PKIB: variants seen among roughly 807,000 people sequenced by gnomAD.
PKIB encodes cAMP-dependent protein kinase inhibitor beta.
In PKIB, 2 loss-of-function variants were observed where a neutral mutation model predicts 4.5. The observed-to-expected ratio is 0.44, with a 90% CI of 0.18 to 1.39. The LOEUF is 1.39. Ranked by LOEUF, PKIB falls within the 40% of genes most tolerant of loss-of-function variation. The pLI is 0.27. For missense variants in PKIB, 94 were observed against 92.6 expected, an observed-to-expected ratio of 1.02 and a Z score of -0.06; for synonymous variants, 38 against 36.0, an observed-to-expected ratio of 1.06 and a Z score of -0.20.
chr6:122,487,163 AAAAT>A (rs1203100395), intron 2 of PKIB, among the ~76,000 whole-genome samples: 6 of 152,334 alleles, frequency 3.9e-5, no homozygotes, highest in Admixed American at 1.3e-4. Flanking sequence ...TTATAACAAA[AAAAT>A]AAATAAATAG....
At chr6:122,591,043 A>G (rs1472676163) in intron 3 of PKIB, among the ~76,000 whole-genome samples, 6 of 152,108 alleles carry the variant, frequency 3.9e-5, no homozygotes. Context: ...CAGACAAACA[A>G]AAAAACAAAC....
rs61201088 is a variant in PKIB at position 122,670,498 on chromosome 6, T to TTTGTTGTTGTTGTTGTTGTTGTTG, written c.-75-4574_-75-4551dup. Among the ~76,000 whole-genome samples the TTTGTTGTTGTTGTTGTTGTTGTTG allele has an allele frequency of 9.9e-5, 15 of 151,230 alleles. No individual in the cohort carries two copies. In the South Asian group the frequency reaches 1.0e-3, roughly 11 times the overall value. ...TCTTTCTTATAAGGAATCACATGTTTTTGTTGTTGTTGTTGTTGTTGTTGT... is the reference window on the plus strand; with the variant it reads ...TCTTTCTTATAAGGAATCACATGTTTTTGTTGTTGTTGTTGTTGTTGTTGTTGTTGTTGTTGTTGTTGTTGTTGT... On this transcript the variant is annotated intron_variant, in intron 2 of 4. Coordinates refer to ENST00000368452, the MANE Select transcript of PKIB (RefSeq NM_181795.3).
At chr6:122,693,198 G>A (rs889976350) in intron 3 of PKIB, among the ~76,000 whole-genome samples, 6 of 151,944 alleles carry the variant, frequency 3.9e-5, no homozygotes, top group Non-Finnish European at 7.4e-5. Flanking sequence ...CAGAACACAA[G>A]GCTTCAAGGT....
At chr6:122,577,543 G>GA (rs1176470996) in intron 2 of PKIB, among the ~76,000 whole-genome samples, 1 of 151,960 alleles carries the variant, frequency 6.6e-6, no homozygotes, top group African/African-American at 2.4e-5. Flanking sequence ...CAATATCCAT[G>GA]AAAAAAAGAA....
Position 122,662,308 on chromosome 6 carries a change from C to CTTTTTTTTTTTTTTTTTTT in PKIB, c.-75-12759_-75-12741dup, listed in dbSNP as rs71021412. Reference sequence around the variant, plus strand: ...CTCTCCTTCTTTCTTTCCTTGTCTCCTTTTTTTTTTTTTTTTTTTTTTTTT... The same window carrying CTTTTTTTTTTTTTTTTTTT: ...CTCTCCTTCTTTCTTTCCTTGTCTCCTTTTTTTTTTTTTTTTTTTTTTTTTTTTTTTTTTTTTTTTTTTT... On this transcript the variant is annotated intron_variant, in intron 2 of 4. Coordinates refer to ENST00000368452, the MANE Select transcript of PKIB (RefSeq NM_181795.3). Among the ~76,000 whole-genome samples the CTTTTTTTTTTTTTTTTTTT allele has an allele frequency of 9.0e-4, 12 of 13,260 alleles. 1 individual carries two copies. The highest frequency in any genetic ancestry group is 1.4e-3 in the Non-Finnish European group (9 of 6,648). The allele number at this position is 13,260 out of a possible 152,430, so 8.7% of individuals were successfully genotyped here.
chr6:122,691,376 A>T (rs1778348661), intron 3 of PKIB, among the ~76,000 whole-genome samples: 1 of 151,700 alleles, frequency 6.6e-6, no homozygotes, highest in Non-Finnish European at 1.5e-5. Flanking sequence ...ATTCCTTTTT[A>T]TTCTTTTTGC....
chr6:122,520,665 A>ACCCCCCCCCC (rs10650320), intron 2 of PKIB, among the ~76,000 whole-genome samples: 2 of 107,984 alleles, frequency 1.9e-5, no homozygotes, highest in Non-Finnish European at 3.8e-5. Context: ...TTATGTTCCC[A>ACCCCCCCCCC]CCCCCCCCCC....
chr6:122,482,875 T>G (rs2114521048), intron 2 of PKIB: 1 of 152,306 alleles, frequency 6.6e-6, no homozygotes, highest in African/African-American at 2.4e-5. Context: ...AAAGTCCAAC[T>G]GCACGTGCAA....
At chr6:122,529,065 T>C (rs1251690106) in intron 2 of PKIB, among the ~76,000 whole-genome samples, 2 of 152,264 alleles carry the variant, frequency 1.3e-5, no homozygotes, top group Non-Finnish European at 1.5e-5. Context: ...TTTAAAGTAA[T>C]TACTGATGAT....
At position 122,487,950 on chromosome 6, in the gene PKIB, G is replaced by T. The variant is rs527471763; in HGVS notation, c.-248+10011G>T. On this transcript the variant is annotated intron_variant, in intron 2 of 6. Coordinates refer to the PKIB transcript ENST00000392491. Reference sequence around the variant, plus strand: ...ACTGATGATAACACATTTATCACTCGTTTAAAGTGATATCTTCCAGGTTTC... The same window carrying T: ...ACTGATGATAACACATTTATCACTCTTTTAAAGTGATATCTTCCAGGTTTC... 1.3e-5 allele frequency among the ~76,000 whole-genome samples: 2 copies of T among 152,062 alleles called. 1 individual carries two copies. The highest frequency in any genetic ancestry group is 2.9e-5 in the Non-Finnish European group (2 of 68,012).
chr6:122,503,012 T>A (rs1478175920), intron 2 of PKIB, among the ~76,000 whole-genome samples: 1 of 152,196 alleles, frequency 6.6e-6, no homozygotes, highest in Non-Finnish European at 1.5e-5. Flanking sequence ...TAGTGTCTGG[T>A]GATGGCCTAA....
intron 2 of PKIB, among the ~76,000 whole-genome samples, chr6:122,565,252 A>AGTT (rs1773150952): frequency 6.6e-6 from 1 of 152,038 alleles, no homozygotes; most frequent in East Asian, 1.9e-4. Context: ...AGAAAATACC[A>AGTT]CTCAAAGTTC....
At chr6:122,584,023 T>C (rs961464820) in intron 2 of PKIB, among the ~76,000 whole-genome samples, 2 of 152,148 alleles carry the variant, frequency 1.3e-5, no homozygotes, top group Non-Finnish European at 2.9e-5. Context: ...ATTTCTCTGG[T>C]ATTTTTCTGG....
chr6:122,541,943 T>C (rs550284779), intron 2 of PKIB, among the ~76,000 whole-genome samples: 53 of 152,196 alleles, frequency 3.5e-4, no homozygotes, highest in African/African-American at 1.3e-3. Flanking sequence ...TCGTCTTCTA[T>C]CACTGAGACC....
chr6:122,521,865 G>A (rs1776956926), intron 2 of PKIB, among the ~76,000 whole-genome samples: 1 of 152,120 alleles, frequency 6.6e-6, no homozygotes, highest in African/African-American at 2.4e-5. Context: ...GTTGTAAGAG[G>A]ATCAGCTTTG....
At chr6:122,553,511 A>T (rs1582694860) in intron 2 of PKIB, among the ~76,000 whole-genome samples, 2 of 37,992 alleles carry the variant, frequency 5.3e-5, no homozygotes, top group African/African-American at 2.0e-4. Flanking sequence ...TTTCTGAAAA[A>T]GGCTTCCCTG....
chr6:122,613,575 A>G (rs1774852644), intron 1 of PKIB, among the ~76,000 whole-genome samples: 1 of 152,172 alleles, frequency 6.6e-6, no homozygotes, highest in Non-Finnish European at 1.5e-5. Flanking sequence ...AAAAGTCATT[A>G]CCAGGTAGTG....
At chr6:122,688,212 T>C (rs1478334386) in intron 3 of PKIB, among the ~76,000 whole-genome samples, 1 of 152,206 alleles carries the variant, frequency 6.6e-6, no homozygotes, top group Non-Finnish European at 1.5e-5. Context: ...GAAATGATCA[T>C]ATGTTTTTTT....
chr6:122,504,671 T>C (rs369205558), intron 2 of PKIB, among the ~76,000 whole-genome samples: 1 of 152,250 alleles, frequency 6.6e-6, no homozygotes, highest in Admixed American at 6.5e-5. Context: ...TTTTAAAAAT[T>C]AAAATTTTAC....
Sources: gnomAD v4.1 joint callset for allele counts (sites outside exome capture counted in the v4.1 genomes callset) on GRCh38, gnomAD v4.1.1 for gene constraint, MANE v1.5 for transcripts, NCBI Gene and HGNC (gene_info 2026-07-23, HGNC 2026-07-21) for gene names.